SESN1: variants seen among roughly 807,000 people sequenced by gnomAD.
The protein encoded by SESN1 is sestrin 1, also known as sestrin-1.
Under a neutral mutation model 59.3 loss-of-function variants are expected in SESN1, and 30 were observed. The ratio of observed to expected loss-of-function variants is 0.51; its 90% CI spans 0.38 to 0.69. SESN1 has a LOEUF of 0.69. Among genes scored for constraint, SESN1 ranks in the 30% least tolerant of loss-of-function variants. SESN1 has a pLI of 0.00. For missense variants in SESN1, 566 were observed against 673.0 expected (o/e 0.84, Z 1.76); for synonymous variants, 197 against 219.9 (o/e 0.90, Z 0.92).
At chr6:109,042,696 A>G in intron 1 of SESN1, among the ~76,000 whole-genome samples, 1 of 152,192 alleles carries the variant, frequency 6.6e-6, no homozygotes, top group South Asian at 2.1e-4. Context: ...ATTGCTATTA[A>G]GAAAATTGAA....
intron 1 of SESN1, among the ~76,000 whole-genome samples, chr6:109,085,769 G>A (rs1583301018): frequency 6.6e-6 from 1 of 152,250 alleles, no homozygotes; most frequent in East Asian, 1.9e-4. Context: ...AAAATAAACT[G>A]ATTTGAGAAA....
Position 109,055,852 on chromosome 6 carries a change from T to C in SESN1, c.279+37943A>G, listed in dbSNP as rs1029938569. 2.8e-4 allele frequency among the ~76,000 whole-genome samples: 42 copies of C among 152,196 alleles called. 1 individual carries two copies. Among genetic ancestry groups the C allele is most frequent in the African/African-American group, 9.9e-4 (41 of 41,438 alleles). ...ACTCATTGTCCGTGATATATAGTAG[T>C]TACTCAATATGTTTGTGGTTGGGAA... On this transcript the variant is annotated intron_variant, in intron 1 of 9. Transcript: ENST00000436639.
chr6:109,038,631 C>T (rs1780282487), intron 1 of SESN1, among the ~76,000 whole-genome samples: 1 of 152,208 alleles, frequency 6.6e-6, no homozygotes, highest in Admixed American at 6.5e-5. Context: ...CATTTCACAC[C>T]CACTTAGGGG....
chr6:109,018,987 C>T (rs1489031715), intron 1 of SESN1, among the ~76,000 whole-genome samples: 1 of 152,040 alleles, frequency 6.6e-6, no homozygotes, highest in Non-Finnish European at 1.5e-5. Flanking sequence ...CATTCATAAC[C>T]CCTTAATTTC....
At position 109,002,267 on chromosome 6, in the gene SESN1, A is replaced by G; in HGVS notation, c.345+11T>C. The G allele has an allele frequency of 6.2e-7, 1 of 1,612,108 alleles. No homozygotes were observed. The highest frequency in any genetic ancestry group is 8.5e-7 in the Non-Finnish European group (1 of 1,178,282). ...CATACAGTTCACTATGTACTTTCAC[A>G]AACAACGTACCTCCTTTTCTGGGAT... On this transcript the variant is annotated intron_variant, in intron 2 of 9. Coordinates refer to ENST00000436639, the MANE Select transcript of SESN1 (RefSeq NM_014454.3).
chr6:109,010,971 T>C (rs974939442), intron 1 of SESN1, among the ~76,000 whole-genome samples: 3 of 152,192 alleles, frequency 2.0e-5, no homozygotes, highest in African/African-American at 4.8e-5. Flanking sequence ...ACTTGATGTA[T>C]GGGATTGTGA....
chr6:109,003,247 C>T (rs900828338), intron 1 of SESN1, among the ~76,000 whole-genome samples: 1 of 151,338 alleles, frequency 6.6e-6, no homozygotes, highest in Non-Finnish European at 1.5e-5. Context: ...TAAAGATTAA[C>T]CCCTTCACTC....
intron 6 of SESN1, among the ~76,000 whole-genome samples, chr6:108,994,237 C>T (rs1779453828): frequency 6.6e-6 from 1 of 151,676 alleles, no homozygotes; most frequent in South Asian, 2.1e-4. Flanking sequence ...AATTTTAGTG[C>T]CAGAATCCAA....
At chr6:109,064,288 G>A (rs1030339315) in intron 1 of SESN1, among the ~76,000 whole-genome samples, 1 of 151,656 alleles carries the variant, frequency 6.6e-6, no homozygotes, top group Non-Finnish European at 1.5e-5. Flanking sequence ...AAGGTTTATA[G>A]ATGACTCCAG....
At chr6:108,998,183 C>G (rs1779539478) in intron 5 of SESN1, among the ~76,000 whole-genome samples, 1 of 152,164 alleles carries the variant, frequency 6.6e-6, no homozygotes, top group Non-Finnish European at 1.5e-5. Flanking sequence ...TATTTTCAGC[C>G]TTCCCTCATG....
intron 1 of SESN1, among the ~76,000 whole-genome samples, chr6:109,048,881 T>TGAA (rs1289933821): frequency 6.6e-6 from 1 of 152,200 alleles, no homozygotes; most frequent in Non-Finnish European, 1.5e-5. Context: ...CTCCAATGTG[T>TGAA]GAAGTTCAGA....
chr6:109,063,189 T>C (rs1780760154), intron 1 of SESN1, among the ~76,000 whole-genome samples: 1 of 151,796 alleles, frequency 6.6e-6, no homozygotes, highest in Non-Finnish European at 1.5e-5. Flanking sequence ...AATATGTCTG[T>C]CAGCCAGGGT....
intron 1 of SESN1, among the ~76,000 whole-genome samples, chr6:109,067,951 GGGA>G (rs1780863440): frequency 6.6e-6 from 1 of 152,218 alleles, no homozygotes; most frequent in South Asian, 2.1e-4. Context: ...TTGGAGGACA[GGGA>G]GAAGAAGGTC....
intron 1 of SESN1, among the ~76,000 whole-genome samples, chr6:109,091,155 G>C (rs1274922941): frequency 1.3e-5 from 2 of 152,134 alleles, no homozygotes; most frequent in African/African-American, 4.8e-5. Context: ...AGGGTCAATT[G>C]TAATTCTATA....
chr6:109,005,446 T>A (rs940849849), intron 1 of SESN1, among the ~76,000 whole-genome samples: 8 of 152,176 alleles, frequency 5.3e-5, no homozygotes, highest in African/African-American at 1.7e-4. Flanking sequence ...TTTTTAAAAA[T>A]GTGGCCAGAT....
At chr6:109,079,647 C>G (rs951642508) in intron 1 of SESN1, among the ~76,000 whole-genome samples, 2 of 151,980 alleles carry the variant, frequency 1.3e-5, no homozygotes, top group East Asian at 3.8e-4. Context: ...GTTCGGGTAC[C>G]CAGTTCAAAT....
chr6:109,082,523 C>T (rs1433211231), intron 1 of SESN1, among the ~76,000 whole-genome samples: 2 of 152,180 alleles, frequency 1.3e-5, no homozygotes, highest in Non-Finnish European at 2.9e-5. Context: ...TGTCCAGGTA[C>T]TGAAGCACAA....
At chr6:108,993,946 T>C (rs1014848534) in intron 6 of SESN1, among the ~76,000 whole-genome samples, 5 of 151,614 alleles carry the variant, frequency 3.3e-5, no homozygotes, top group Admixed American at 6.6e-5. Context: ...AAGAGAAGCG[T>C]GGGCAATATA....
chr6:109,092,696 T>C (rs1324865007), intron 1 of SESN1, among the ~76,000 whole-genome samples: 1 of 152,198 alleles, frequency 6.6e-6, no homozygotes. Context: ...GTCACTACAG[T>C]CTAGAAGATA....
Sources: allele counts gnomAD v4.1 joint callset (sites outside exome capture counted in the v4.1 genomes callset), GRCh38; gene constraint gnomAD v4.1.1; transcripts MANE v1.5; gene names NCBI Gene and HGNC (gene_info 2026-07-23, HGNC 2026-07-21).